PKP4: variants seen among roughly 807,000 people sequenced by gnomAD.
PKP4 encodes plakophilin-4.
A neutral mutation model predicts 145.1 loss-of-function variants in PKP4; 90 were observed. The observed-to-expected ratio is 0.62, with a 90% CI of 0.52 to 0.74. PKP4 has a LOEUF of 0.74. Among genes scored for constraint, PKP4 ranks in the 30% least tolerant of loss-of-function variants. PKP4 has a pLI of 0.00. For missense variants in PKP4, 1,340 were observed against 1,482.7 expected (o/e 0.90, Z 1.58); for synonymous variants, 563 against 577.2 (o/e 0.98, Z 0.35).
intron 10 of PKP4, among the ~76,000 whole-genome samples, chr2:158,642,241 C>T (rs558617827): frequency 2.6e-5 from 4 of 152,334 alleles, no homozygotes; most frequent in South Asian, 4.1e-4. Flanking sequence ...CCAGGCTGGT[C>T]TTGAACTCCT....
intron 7 of PKP4, among the ~76,000 whole-genome samples, chr2:158,626,249 C>G (rs1299646456): frequency 6.6e-6 from 1 of 152,186 alleles, no homozygotes; most frequent in Non-Finnish European, 1.5e-5. Flanking sequence ...ATATGCAATC[C>G]ATGCAAATCT....
In PKP4 at chr2:158,625,063, C is replaced by T. The variant is rs1347518687; in HGVS notation, c.789C>T (p.Ser263=). The T allele has an allele frequency of 1.2e-6, 2 of 1,614,202 alleles. No individual in the cohort carries two copies. Among genetic ancestry groups the T allele is most frequent in the Non-Finnish European group, 8.5e-7 (1 of 1,180,038 alleles). ...PRPLNPSAYS[S]TTLPAARAAS... ...CTCTGAACCCCAGTGCATATTCCTCCACCACATTACCTGCTGCACGGGCAG... is the reference window on the plus strand; with the variant it reads ...CTCTGAACCCCAGTGCATATTCCTCTACCACATTACCTGCTGCACGGGCAG... The change falls in exon 7 of 22, where the codon TCC becomes TCT. Residue 263 remains serine, a synonymous_variant. Coordinates refer to ENST00000389759, the MANE Select transcript of PKP4 (RefSeq NM_003628.6).
At chr2:158,548,231 T>C (rs2045263418) in intron 2 of PKP4, among the ~76,000 whole-genome samples, 1 of 152,216 alleles carries the variant, frequency 6.6e-6, no homozygotes, top group East Asian at 1.9e-4. Context: ...TAACATCTTA[T>C]GCTTCAAGAG....
In PKP4 at chr2:158,518,571, A is replaced by C. The variant is rs555159169; in HGVS notation, c.-5-14609A>C. Among the ~76,000 whole-genome samples the C allele has an allele frequency of 2.0e-5, 3 of 152,300 alleles. No homozygotes were observed. The East Asian group carries it at 5.8e-4, about 29-fold the overall frequency. The stretch of plus-strand genomic sequence containing the variant: ...CTCCTCTCATGTTGAGACTACACAG[A>C]AGGTATGTAGGTTTAATCTTCAGTT... On this transcript the variant is annotated intron_variant, in intron 1 of 21. Transcript: ENST00000389759.
intron 3 of PKP4, among the ~76,000 whole-genome samples, chr2:158,599,318 G>A (rs2050034873): frequency 6.6e-6 from 1 of 152,200 alleles, no homozygotes; most frequent in African/African-American, 2.4e-5. Context: ...TTCAAAATGA[G>A]TGATAGCCAT....
At chr2:158,658,039 C>A in intron 11 of PKP4, 92 bp from the exon 12 acceptor site, 1 of 770,302 alleles carries the variant, frequency 1.3e-6, no homozygotes, top group Non-Finnish European at 2.1e-6. Context: ...TTGGAACAGA[C>A]TGACTTCATA....
rs116311640 is a variant in PKP4 at position 158,661,973 on chromosome 2, G to C, written c.2211+523G>C. 4.8e-3 allele frequency among the ~76,000 whole-genome samples: 735 copies of C among 152,198 alleles called. 1 individual carries two copies. Among genetic ancestry groups the C allele is most frequent in the African/African-American group, 0.016 (672 of 41,514 alleles). Reference sequence around the variant, plus strand: ...CCCTTACCCTCTCCCTCCTGTGCCCGAGTACAGGGCATTCTGCTCATCATT... The same window carrying C: ...CCCTTACCCTCTCCCTCCTGTGCCCCAGTACAGGGCATTCTGCTCATCATT... On this transcript the variant is annotated intron_variant, in intron 13 of 21. Transcript: ENST00000389759.
chr2:158,655,315 C>T (rs1420151249), intron 11 of PKP4, among the ~76,000 whole-genome samples: 1 of 152,118 alleles, frequency 6.6e-6, no homozygotes, highest in Non-Finnish European at 1.5e-5. Flanking sequence ...ATTCTACCAC[C>T]AGCATGAAAA....
intron 7 of PKP4, among the ~76,000 whole-genome samples, chr2:158,628,226 G>A (rs900302344): frequency 6.6e-6 from 1 of 151,916 alleles, no homozygotes; most frequent in Non-Finnish European, 1.5e-5. Context: ...TGATCTGCCC[G>A]CCTCAGCCTC....
chr2:158,616,026 C>T (rs2051572156), intron 4 of PKP4, among the ~76,000 whole-genome samples: 1 of 152,056 alleles, frequency 6.6e-6, no homozygotes, highest in Non-Finnish European at 1.5e-5. Flanking sequence ...CATTGAAATC[C>T]AACTTTTAAA....
intron 1 of PKP4, among the ~76,000 whole-genome samples, chr2:158,514,348 A>G (rs2105538529): frequency 6.6e-6 from 1 of 152,358 alleles, no homozygotes; most frequent in East Asian, 1.9e-4. Flanking sequence ...TCCATCTGTG[A>G]TCAACAGAAC....
At chr2:158,502,456 A>G (rs770930291) in intron 1 of PKP4, among the ~76,000 whole-genome samples, 3 of 152,160 alleles carry the variant, frequency 2.0e-5, no homozygotes, top group Non-Finnish European at 4.4e-5. Context: ...TTGTCTCTCA[A>G]ATCCATTTGA....
intron 3 of PKP4, among the ~76,000 whole-genome samples, chr2:158,592,315 T>TAGA (rs1390863219): frequency 5.9e-5 from 9 of 152,066 alleles, no homozygotes; most frequent in African/African-American, 2.2e-4. Flanking sequence ...TCTTACTACA[T>TAGA]AGAAACATAG....
intron 4 of PKP4, among the ~76,000 whole-genome samples, chr2:158,615,108 G>C (rs958677659): frequency 6.6e-6 from 1 of 151,614 alleles, no homozygotes; most frequent in Non-Finnish European, 1.5e-5. Flanking sequence ...TTATAGGTTT[G>C]TGTTTTTAAG....
At chr2:158,554,429 A>ATTT (rs563557560) in intron 2 of PKP4, among the ~76,000 whole-genome samples, 2,516 of 141,174 alleles carry the variant, frequency 0.018, 68 homozygotes, top group East Asian at 0.11. Flanking sequence ...TATTATTATT[A>ATTT]TTTTTTTTTT....
At chr2:158,592,558 T>C (rs1462912058) in intron 3 of PKP4, among the ~76,000 whole-genome samples, 1 of 152,086 alleles carries the variant, frequency 6.6e-6, no homozygotes, top group Non-Finnish European at 1.5e-5. Flanking sequence ...TATTATGCTC[T>C]CTCTTTTCAC....
intron 16 of PKP4, among the ~76,000 whole-genome samples, chr2:158,667,036 AC>A (rs869185253): frequency 8.5e-5 from 10 of 117,368 alleles, no homozygotes; most frequent in Admixed American, 2.1e-4. Flanking sequence ...CATCATTTCC[AC>A]CCTGGGCAGG....
At chr2:158,543,108 A>C (rs570551413) in intron 2 of PKP4, among the ~76,000 whole-genome samples, 37 of 152,244 alleles carry the variant, frequency 2.4e-4, no homozygotes, top group African/African-American at 8.9e-4. Flanking sequence ...ACCTTTTTCA[A>C]CTTTGTGAGG....
chr2:158,518,252 C>T (rs2042086284), intron 1 of PKP4, among the ~76,000 whole-genome samples: 1 of 152,198 alleles, frequency 6.6e-6, no homozygotes, highest in African/African-American at 2.4e-5. Context: ...GTGTCCATAG[C>T]GTCTTTTAAT....
Sources: allele counts gnomAD v4.1 joint callset (sites outside exome capture counted in the v4.1 genomes callset), GRCh38; gene constraint gnomAD v4.1.1; transcripts MANE v1.5; gene names NCBI Gene and HGNC (gene_info 2026-07-23, HGNC 2026-07-21).